Variants in B3GALT1 observed in about 807,000 individuals in gnomAD.
B3GALT1 encodes UDP-Gal:betaGlcNAc beta 1,3-galactosyltransferase, polypeptide 1.
In B3GALT1, 10 loss-of-function variants were observed where a neutral mutation model predicts 23.2. The ratio of observed to expected loss-of-function variants is 0.43; its 90% CI spans 0.27 to 0.73. The LOEUF is 0.73. Ranked by LOEUF, B3GALT1 falls within the 30% of genes least tolerant of loss-of-function variation. The probability of loss-of-function intolerance (pLI) is 0.21; values close to 1 mark genes in which losing one functional copy is unlikely to be tolerated. For missense variants in B3GALT1, 299 were observed against 405.4 expected (o/e 0.74, Z 2.25); for synonymous variants, 156 against 141.5 (o/e 1.10, Z -0.73).
At position 167,332,175 on chromosome 2, in the gene B3GALT1, G is replaced by C. The variant is rs149922153; in HGVS notation, c.-511+38841G>C. ...TAGTCAAGGGGACCTCCCATGGCTA[G>C]GATTATAGGAGTCCACAGCAGGAAT... On this transcript the variant is annotated intron_variant, in intron 1 of 4. Transcript: ENST00000392690. 1.5e-3 allele frequency among the ~76,000 whole-genome samples: 222 copies of C among 152,238 alleles called. 2 individuals are homozygous for C. The East Asian group carries it at 0.017, about 12-fold the overall frequency.
chr2:167,619,080 T>C (rs1685213109), intron 2 of B3GALT1, among the ~76,000 whole-genome samples: 1 of 152,052 alleles, frequency 6.6e-6, no homozygotes, highest in Non-Finnish European at 1.5e-5. Flanking sequence ...ATTTTCTAAT[T>C]CCATTATTCC....
At chr2:167,532,138 T>G (rs1435515394) in intron 2 of B3GALT1, among the ~76,000 whole-genome samples, 3 of 152,182 alleles carry the variant, frequency 2.0e-5, no homozygotes, top group African/African-American at 7.2e-5. Context: ...TGTTAGCCAC[T>G]TATGTTTCTT....
intron 2 of B3GALT1, among the ~76,000 whole-genome samples, chr2:167,504,195 G>C (rs1239012): frequency 0.021 from 3,193 of 152,162 alleles, 109 homozygotes; most frequent in African/African-American, 0.073. Flanking sequence ...TTGTAATTCT[G>C]TGCCAAGCCC....
At chr2:167,621,361 C>T (rs1177633613) in intron 2 of B3GALT1, among the ~76,000 whole-genome samples, 1 of 152,070 alleles carries the variant, frequency 6.6e-6, no homozygotes, top group Non-Finnish European at 1.5e-5. Flanking sequence ...GCTGGAATTA[C>T]AGGCGTGAGC....
chr2:167,666,174 A>G lies in B3GALT1; in HGVS notation c.-352+19208A>G, dbSNP rs1686180977. Among the ~76,000 whole-genome samples, 3 of 152,218 alleles carry G rather than the reference A, an allele frequency of 2.0e-5. No individual in the cohort carries two copies. In the South Asian group the frequency reaches 6.2e-4, roughly 32 times the overall value. ...GTCTTTGTTCTCGTTCGTTTCAAAG[A>G]ACATCTTTATGTCTGCCTTCATTTC... On this transcript the variant is annotated intron_variant, in intron 3 of 4. Coordinates refer to ENST00000392690, the MANE Select transcript of B3GALT1 (RefSeq NM_020981.4).
At chr2:167,400,166 C>CTGTGTGTGTGTGTGTGTGTG (rs149993955) in intron 1 of B3GALT1, among the ~76,000 whole-genome samples, 20 of 145,812 alleles carry the variant, frequency 1.4e-4, no homozygotes, top group South Asian at 4.5e-4. Context: ...ACATCTATGT[C>CTGTGTGTGTGTGTGTGTGTG]TGTGTGTGTG....
At chr2:167,508,909 C>T (rs906720350) in intron 2 of B3GALT1, among the ~76,000 whole-genome samples, 10 of 152,168 alleles carry the variant, frequency 6.6e-5, no homozygotes, top group African/African-American at 2.4e-4. Context: ...TTGTCATTAA[C>T]ATGTTTACAT....
At chr2:167,548,698 G>GTGTGTGTGTGAGAGTGTA (rs1022559741) in intron 2 of B3GALT1, among the ~76,000 whole-genome samples, 1 of 151,588 alleles carries the variant, frequency 6.6e-6, no homozygotes, top group African/African-American at 2.4e-5. Flanking sequence ...GTGTGTGTGT[G>GTGTGTGTGTGAGAGTGTA]TGTGTGTGTG....
chr2:167,623,976 A>C (rs926878215), intron 2 of B3GALT1, among the ~76,000 whole-genome samples: 17 of 152,156 alleles, frequency 1.1e-4, no homozygotes, highest in African/African-American at 3.6e-4. Context: ...CCAATGTAGT[A>C]AAAATGGATA....
At chr2:167,613,425 T>C (rs1373595353) in intron 2 of B3GALT1, among the ~76,000 whole-genome samples, 1 of 151,258 alleles carries the variant, frequency 6.6e-6, no homozygotes, top group East Asian at 1.9e-4. Flanking sequence ...ACAATAAGGA[T>C]AAAAAATATA....
At chr2:167,833,894 T>C (rs1395231037) in intron 4 of B3GALT1, among the ~76,000 whole-genome samples, 1 of 152,106 alleles carries the variant, frequency 6.6e-6, no homozygotes, top group Non-Finnish European at 1.5e-5. Flanking sequence ...ACACCTAGAG[T>C]AGATAATTTT....
At chr2:167,565,684 G>A (rs1027952674) in intron 2 of B3GALT1, among the ~76,000 whole-genome samples, 1 of 152,182 alleles carries the variant, frequency 6.6e-6, no homozygotes, top group African/African-American at 2.4e-5. Flanking sequence ...CCATCAAAAA[G>A]TGGGCAAGGA....
chr2:167,577,985 A>G (rs1449502579), intron 2 of B3GALT1, among the ~76,000 whole-genome samples: 6 of 151,982 alleles, frequency 3.9e-5, no homozygotes. Flanking sequence ...AGTATATTAA[A>G]ATCTTGCATA....
chr2:167,663,115 C>G (rs1686098811), intron 3 of B3GALT1, among the ~76,000 whole-genome samples: 1 of 115,184 alleles, frequency 8.7e-6, no homozygotes, highest in Non-Finnish European at 1.7e-5. Flanking sequence ...CCCCCTCCCC[C>G]CACCCCACAA....
At chr2:167,837,643 C>G (rs1284703324) in intron 4 of B3GALT1, among the ~76,000 whole-genome samples, 1 of 114,580 alleles carries the variant, frequency 8.7e-6, no homozygotes, top group African/African-American at 3.1e-5. Context: ...ACAAGGATAC[C>G]CAGGAATTGA....
At chr2:167,462,148 A>G (rs1410427191) in intron 1 of B3GALT1, among the ~76,000 whole-genome samples, 2 of 152,304 alleles carry the variant, frequency 1.3e-5, no homozygotes, top group African/African-American at 4.8e-5. Context: ...ATATAGTAAA[A>G]TGTAGTAAAG....
chr2:167,509,706 T>C (rs1192029226), intron 2 of B3GALT1, among the ~76,000 whole-genome samples: 1 of 152,084 alleles, frequency 6.6e-6, no homozygotes, highest in Non-Finnish European at 1.5e-5. Context: ...GGACATTCAG[T>C]GTGGCTGGAG....
chr2:167,408,806 A>C (rs905081222), intron 1 of B3GALT1, among the ~76,000 whole-genome samples: 11 of 87,164 alleles, frequency 1.3e-4, no homozygotes, highest in African/African-American at 4.2e-4. Flanking sequence ...TACAAAAAAA[A>C]AAAAAAACAA....
intron 2 of B3GALT1, among the ~76,000 whole-genome samples, chr2:167,619,997 G>A (rs1685228198): frequency 2.6e-5 from 4 of 152,180 alleles, no homozygotes; most frequent in African/African-American, 9.6e-5. Flanking sequence ...GCTCAAAGAG[G>A]ATCTTATGAA....
Sources: gnomAD v4.1 joint callset for allele counts (sites outside exome capture counted in the v4.1 genomes callset) on GRCh38, gnomAD v4.1.1 for gene constraint, MANE v1.5 for transcripts, NCBI Gene and HGNC (gene_info 2026-07-23, HGNC 2026-07-21) for gene names.